Variants in NFIB observed in about 807,000 individuals in gnomAD.
NFIB encodes the protein nuclear factor I B.
NFIB carries 11 observed loss-of-function variants against 61.5 expected under a neutral mutation model. The ratio of observed to expected loss-of-function variants is 0.18; its 90% CI spans 0.11 to 0.30. The LOEUF is 0.30. Among genes scored for constraint, NFIB ranks in the 10% least tolerant of loss-of-function variants. The probability of loss-of-function intolerance (pLI) is 1.00; values close to 1 mark genes in which losing one functional copy is unlikely to be tolerated. For missense variants in NFIB, 471 were observed against 608.9 expected, an observed-to-expected ratio of 0.77 and a Z score of 2.38; for synonymous variants, 260 against 216.5, an observed-to-expected ratio of 1.20 and a Z score of -1.76.
At chr9:14,204,769 TA>T in intron 2 of NFIB, 1 of 530,596 alleles carries the variant, frequency 1.9e-6, no homozygotes, top group Admixed American at 2.9e-5. Flanking sequence ...CCCTGTGTCG[TA>T]AAATGGGGGT....
chr9:14,207,843 T>C (rs561841604), intron 2 of NFIB, among the ~76,000 whole-genome samples: 1 of 152,236 alleles, frequency 6.6e-6, no homozygotes, highest in Admixed American at 6.5e-5. Flanking sequence ...CCCGTTTCCA[T>C]TGCCACCTGA....
At position 14,125,643 on chromosome 9, in the gene NFIB, A is replaced by C. The variant is rs2039546421; in HGVS notation, c.1049T>G (p.Val350Gly). Residue 350 changes from valine (V) to glycine (G), a missense_variant, in exon 7 of 11, where the codon GTT becomes GGT. Around this residue, in one of 2 missense-constraint regions of NFIB, gnomAD observed 372 missense variants for 395.6 expected, o/e 0.94. Transcript: ENST00000380953. ...PQHHHPGIPG[V>G]AHSVISTRTP... is the part of the protein sequence containing the mutation. ...TTGAAACTCCTCACCACTGTGTGCAACTCCAGGTATTCCGGGATGGTGGTG... is the reference window on the plus strand; with the variant it reads ...TTGAAACTCCTCACCACTGTGTGCACCTCCAGGTATTCCGGGATGGTGGTG... The C allele has an allele frequency of 6.2e-7, 1 of 1,613,868 alleles. No individual in the cohort carries two copies. The highest frequency in any genetic ancestry group is 1.3e-5 in the African/African-American group (1 of 74,872).
chr9:14,346,244 G>T (rs2061017955), intron 1 of NFIB, among the ~76,000 whole-genome samples: 1 of 151,026 alleles, frequency 6.6e-6, no homozygotes, highest in Non-Finnish European at 1.5e-5. Flanking sequence ...AGCCATCTTT[G>T]CTCTGGGTGG....
intron 1 of NFIB, among the ~76,000 whole-genome samples, chr9:14,395,874 A>G (rs1456528164): frequency 7.0e-6 from 1 of 142,998 alleles, no homozygotes; most frequent in African/African-American, 2.6e-5. Flanking sequence ...ATATGAAGGG[A>G]GTGTTCAGTT....
rs2032328938 is a variant in NFIB, at chr9:14,083,376, C to T, written c.*4933G>A. 2 of 221,024 alleles carry T rather than the reference C, an allele frequency of 9.0e-6. No homozygotes were observed. The allele number at this position is 221,024 out of a possible 1,614,324, so 13.7% of individuals were successfully genotyped here. ...GGAATTAGAAAAAACAGGGGAACTA[C>T]CAGAAAGTGCAAAATATGAAGAAGG... On this transcript the variant is annotated 3_prime_UTR_variant, in exon 11 of 11. Coordinates refer to ENST00000380953, the MANE Select transcript of NFIB (RefSeq NM_001190737.2).
chr9:14,261,346 T>C (rs534842407), intron 2 of NFIB, among the ~76,000 whole-genome samples: 115 of 152,122 alleles, frequency 7.6e-4, no homozygotes, highest in African/African-American at 2.7e-3. Flanking sequence ...GCAAACTTGA[T>C]GAAAAGGAAG....
intron 1 of NFIB, among the ~76,000 whole-genome samples, chr9:14,372,855 GAGA>G (rs1313584671): frequency 6.6e-6 from 1 of 152,134 alleles, no homozygotes; most frequent in African/African-American, 2.4e-5. Flanking sequence ...GAATCACTCA[GAGA>G]AGAATAAAAA....
the NFIB span, among the ~76,000 whole-genome samples, chr9:14,418,057 C>T: frequency 3.3e-5 from 5 of 152,008 alleles, 1 homozygote; most frequent in Non-Finnish European, 7.4e-5. Flanking sequence ...GGGATTACAG[C>T]GCGGTGAGCC....
intron 2 of NFIB, among the ~76,000 whole-genome samples, chr9:14,295,470 C>CA (rs373905065): frequency 0.026 from 3,803 of 147,644 alleles, 156 homozygotes; most frequent in African/African-American, 0.088. Flanking sequence ...ACTAAACATA[C>CA]AAAAAAAAAA....
upstream of NFIB, among the ~76,000 whole-genome samples, chr9:14,401,690 A>G (rs543461865): frequency 6.6e-6 from 1 of 152,334 alleles, no homozygotes; most frequent in African/African-American, 2.4e-5. Context: ...AATTGGAAAT[A>G]AGCAGTGATG....
At chr9:14,365,791 C>G (rs574071172) in intron 1 of NFIB, among the ~76,000 whole-genome samples, 32 of 152,140 alleles carry the variant, frequency 2.1e-4, no homozygotes, top group Non-Finnish European at 4.3e-4. Context: ...AGACATGAGG[C>G]AGGAGGGAGA....
chr9:14,336,076 C>T (rs532078645), intron 1 of NFIB, among the ~76,000 whole-genome samples: 47 of 152,238 alleles, frequency 3.1e-4, no homozygotes, highest in African/African-American at 8.2e-4. Context: ...ACCATTGTGT[C>T]GTTATAAGAA....
chr9:14,091,635 C>T (rs1359759990), intron 10 of NFIB, among the ~76,000 whole-genome samples: 1 of 151,926 alleles, frequency 6.6e-6, no homozygotes, highest in Non-Finnish European at 1.5e-5. Context: ...AGCAATATAT[C>T]TTTATAAGTG....
chr9:14,121,361 A>T (rs2038908646), intron 7 of NFIB, among the ~76,000 whole-genome samples: 1 of 152,230 alleles, frequency 6.6e-6, no homozygotes, highest in Admixed American at 6.5e-5. Context: ...AAGTCACAGC[A>T]TTAAGTAGAG....
chr9:14,182,359 T>A (rs182708001), intron 2 of NFIB, among the ~76,000 whole-genome samples: 2 of 152,296 alleles, frequency 1.3e-5, no homozygotes, highest in Admixed American at 1.3e-4. Context: ...GTGTATACTG[T>A]GTCTCAGAAA....
chr9:14,117,002 G>A (rs1394893653), intron 8 of NFIB, among the ~76,000 whole-genome samples: 1 of 152,164 alleles, frequency 6.6e-6, no homozygotes, highest in African/African-American at 2.4e-5. Context: ...CAAGAAGATA[G>A]AATAAGATGT....
intron 10 of NFIB, among the ~76,000 whole-genome samples, chr9:14,089,014 C>A (rs1396293446): frequency 6.6e-6 from 1 of 151,992 alleles, no homozygotes; most frequent in East Asian, 1.9e-4. Flanking sequence ...TACAGAATAC[C>A]CATCGTGAGG....
chr9:14,223,682 G>A (rs1052585768), intron 2 of NFIB, among the ~76,000 whole-genome samples: 5 of 152,156 alleles, frequency 3.3e-5, no homozygotes, highest in African/African-American at 1.2e-4. Context: ...GGGAAGATGT[G>A]TTACATGACT....
intron 1 of NFIB, among the ~76,000 whole-genome samples, chr9:14,368,496 C>G (rs561232435): frequency 6.6e-6 from 1 of 152,324 alleles, no homozygotes; most frequent in East Asian, 1.9e-4. Context: ...TTTCACCAGG[C>G]AGACTGGTTA....
Sources: gnomAD v4.1 joint callset for allele counts (sites outside exome capture counted in the v4.1 genomes callset) on GRCh38, gnomAD v4.1.1 for gene constraint, gnomAD v4.1.1 regional missense constraint, MANE v1.5 for transcripts, NCBI Gene and HGNC (gene_info 2026-07-23, HGNC 2026-07-21) for gene names.